The following POLR1A variants were observed in gnomAD, a reference collection of about 807,000 sequenced individuals.
POLR1A encodes the protein DNA-directed RNA polymerase I subunit RPA1.
Under a neutral mutation model 205.3 loss-of-function variants are expected in POLR1A, and 84 were observed. The observed-to-expected ratio is 0.41, with a 90% CI of 0.34 to 0.49. The LOEUF is 0.49. Among genes scored for constraint, POLR1A ranks in the 20% least tolerant of loss-of-function variants. The pLI is 0.22. For missense variants in POLR1A, 1,645 were observed against 2,204.5 expected (o/e 0.75, Z 5.08); for synonymous variants, 799 against 863.7 (o/e 0.93, Z 1.31).
In POLR1A at chr2:86,065,346, CG is replaced by C; in HGVS notation, c.1985del (p.Thr662ArgfsTer7). ...HYMELVYRGL[T>X]DKVGRVKLLS... ...GGAGCTTCACGCGCCCCACTTTGTC[CG>C]TGAGTCCTCGGTACACCAGCTCCAT... On this transcript the variant is annotated frameshift_variant, in exon 14 of 34. Transcript: ENST00000263857. LOFTEE classifies it high-confidence loss of function. 1.2e-6 allele frequency: 2 copies of C among 1,614,118 alleles called. No homozygotes were observed.
At chr2:86,071,516 T>TA (rs1462989410) in intron 12 of POLR1A, among the ~76,000 whole-genome samples, 1 of 152,126 alleles carries the variant, frequency 6.6e-6, no homozygotes, top group Non-Finnish European at 1.5e-5. Context: ...CTGTAAATTT[T>TA]AAAAAAGGTC....
Position 86,048,879 on chromosome 2 carries a change from C to T in POLR1A, c.2634+5G>A, listed in dbSNP as rs1396353438. 1.9e-6 allele frequency: 3 copies of T among 1,612,692 alleles called. No individual in the cohort carries two copies. Among genetic ancestry groups the T allele is most frequent in the East Asian group, 4.5e-5 (2 of 44,882 alleles). ...GGGGATAAATGCATGCAATGCTGGG[C>T]TAACCTTGTTAATCTCATTGCTGTA... On this transcript the variant is annotated splice_donor_5th_base_variant and intron_variant, in intron 18 of 33. Coordinates refer to ENST00000263857, the MANE Select transcript of POLR1A (RefSeq NM_015425.6).
chr2:86,084,762 G>A (rs1160208771), intron 6 of POLR1A, among the ~76,000 whole-genome samples: 2 of 150,208 alleles, frequency 1.3e-5, no homozygotes, highest in Non-Finnish European at 3.0e-5. Context: ...CGCCTCCCAG[G>A]TTCATGCGAT....
chr2:86,049,058 A>T lies in POLR1A; in HGVS notation c.2476-16T>A. The T allele has an allele frequency of 2.5e-6, 4 of 1,614,176 alleles. No individual in the cohort carries two copies. The highest frequency in any genetic ancestry group is 3.4e-6 in the Non-Finnish European group (4 of 1,179,998). Reference sequence around the variant, plus strand: ...CCCTGACAGCCTAGAATGAGAACAGAAACACAGCGGAGGCTGAGGCCAAAC... The same window carrying T: ...CCCTGACAGCCTAGAATGAGAACAGTAACACAGCGGAGGCTGAGGCCAAAC... On this transcript the variant is annotated splice_polypyrimidine_tract_variant and intron_variant, in intron 17 of 33. Transcript: ENST00000263857.
intron 24 of POLR1A, among the ~76,000 whole-genome samples, chr2:86,041,190 T>TGCGCGCGCGCACGCGCGC (rs201038475): frequency 4.8e-5 from 2 of 41,926 alleles, no homozygotes; most frequent in African/African-American, 1.4e-4. Context: ...TGTGTGTGTG[T>TGCGCGCGCGCACGCGCGC]GCGCGCTGAG....
chr2:86,082,167 CCT>C (rs1008530211), intron 7 of POLR1A, among the ~76,000 whole-genome samples: 53 of 151,966 alleles, frequency 3.5e-4, no homozygotes, highest in African/African-American at 1.3e-3. Context: ...AAAAATAGCC[CCT>C]GTGTACATGA....
rs1170343013 is a variant in POLR1A, at chr2:86,033,814, C to T, written c.4035-27G>A. On this transcript the variant is annotated intron_variant, in intron 27 of 33. Transcript: ENST00000263857. ...TAAAACAAGAAGAAAGCCAAAAAGC[C>T]CTGTGCAGTACCAGCATGTCCAGCC... 7 of 1,612,372 alleles carry T rather than the reference C, an allele frequency of 4.3e-6. No homozygotes were observed. In the East Asian group the frequency reaches 1.3e-4, roughly 31 times the overall value.
At chr2:86,079,978 G>A (rs1673368977) in intron 9 of POLR1A, among the ~76,000 whole-genome samples, 1 of 152,132 alleles carries the variant, frequency 6.6e-6, no homozygotes, top group East Asian at 1.9e-4. Context: ...ACACTAAGGA[G>A]TTTTTAAAAG....
rs1332066792 is a variant in POLR1A at position 86,020,959 on chromosome 2, A to AT, written c.*6463dup. 6.6e-6 allele frequency: 1 copy of AT among 152,234 alleles called. No homozygotes were observed. The highest frequency in any genetic ancestry group is 1.5e-5 in the Non-Finnish European group (1 of 68,040). The allele number at this position is 152,234 out of a possible 1,614,324, so 9.4% of individuals were successfully genotyped here. On this transcript the variant is annotated 3_prime_UTR_variant, in exon 34 of 34. Transcript: ENST00000263857. ...TTTACATAAAAGGAAACTGAAGTGC[A>AT]TTTCTTAGGGTCCCACTGTAAGTTG...
At position 86,065,402 on chromosome 2, in the gene POLR1A, G is replaced by A. The variant is rs767570306; in HGVS notation, c.1930C>T (p.Arg644Trp). 3.1e-6 allele frequency: 5 copies of A among 1,614,114 alleles called. No individual in the cohort carries two copies. The highest frequency in any genetic ancestry group is 1.1e-5 in the South Asian group (1 of 91,072). Reference sequence around the variant, plus strand: ...TGCTCCCGGGTGAAAAAGCAACCCCGAGTAGTCATGCTTGCCCCTGAAACC... The same window carrying A: ...TGCTCCCGGGTGAAAAAGCAACCCCAAGTAGTCATGCTTGCCCCTGAAACC... ...HMVSGASMTT[R>W]GCFFTREHYM... Residue 644 changes from arginine (R) to tryptophan (W), a missense_variant, in exon 14 of 34, where the codon CGG becomes TGG. Arg to Trp is a moderately radical substitution (Grantham distance 101). Transcript: ENST00000263857.
chr2:86,081,456 G>C (rs1423421197), intron 8 of POLR1A, 145 bp downstream of exon 8: 24 of 599,516 alleles, frequency 4.0e-5, no homozygotes, highest in Non-Finnish European at 6.8e-5. Context: ...GGGAAGGAAA[G>C]CAAGCCCTCC....
At chr2:86,038,643 C>T (rs1354287571) in intron 27 of POLR1A, 57 bp downstream of exon 27, 32 of 1,562,374 alleles carry the variant, frequency 2.0e-5, no homozygotes, top group Non-Finnish European at 2.8e-5. Context: ...CTTCCTGCCC[C>T]AGTTCAAGCG....
At chr2:86,065,583 T>G in intron 13 of POLR1A, 118 bp from the exon 14 acceptor site, 1 of 802,452 alleles carries the variant, frequency 1.2e-6, no homozygotes, top group Non-Finnish European at 2.0e-6. Flanking sequence ...TATCCCTGTC[T>G]TGTCTTGCCC....
chr2:86,042,041 G>A lies in POLR1A; in HGVS notation c.3420C>T (p.Ala1140=), dbSNP rs141026251. The A allele has an allele frequency of 1.1e-4, 178 of 1,613,796 alleles. No individual in the cohort carries two copies. In the African/African-American group the frequency reaches 2.1e-3, roughly 19 times the overall value. The change falls in exon 24 of 34, where the codon GCC becomes GCT. Residue 1140 remains alanine (A), a synonymous_variant. Coordinates refer to ENST00000263857, the MANE Select transcript of POLR1A (RefSeq NM_015425.6). The part of the protein sequence containing the change: ...ESRRKYQKKA[A]ACPDPSLSVW... Reference sequence around the variant, plus strand: ...CAGACAGACTGGGGTCAGGACAAGCGGCCGCCTTCTTCTGGTATTTCCTTC... The same window carrying A: ...CAGACAGACTGGGGTCAGGACAAGCAGCCGCCTTCTTCTGGTATTTCCTTC...
chr2:86,061,172 C>T (rs572696832), intron 14 of POLR1A, among the ~76,000 whole-genome samples: 5 of 151,204 alleles, frequency 3.3e-5, no homozygotes, highest in Admixed American at 6.6e-5. Flanking sequence ...AACAGCTGGG[C>T]GAGGTGGCTC....
chr2:86,096,754 C>T (rs1032377343), intron 3 of POLR1A, among the ~76,000 whole-genome samples: 2 of 152,110 alleles, frequency 1.3e-5, no homozygotes, highest in Non-Finnish European at 2.9e-5. Context: ...CTCCACTGCT[C>T]CCCTCTACAA....
At chr2:86,101,423 AC>A (rs1673820537) in intron 1 of POLR1A, among the ~76,000 whole-genome samples, 1 of 152,066 alleles carries the variant, frequency 6.6e-6, no homozygotes, top group Non-Finnish European at 1.5e-5. Context: ...GGCCAGTGTC[AC>A]TCTAAGGGCC....
At position 86,070,749 on chromosome 2, in the gene POLR1A, A is replaced by G. The variant is rs546574588; in HGVS notation, c.1612-477T>C. Among the ~76,000 whole-genome samples, 294 of 147,288 alleles carry G rather than the reference A, an allele frequency of 2.0e-3. No individual in the cohort carries two copies. Among genetic ancestry groups the G allele is most frequent in the African/African-American group, 7.1e-3 (283 of 40,092 alleles). ...ACATTATTCTAAACAGAAATTCTAC[A>G]TTTCACAAAAAGTTTGCCCAGCTTC... On this transcript the variant is annotated intron_variant, in intron 12 of 33. Transcript: ENST00000263857. The surrounding 1 kb of genome is among the most constrained non-coding windows in gnomAD (Gnocchi z 4.4).
In POLR1A at chr2:86,033,663, G is replaced by T. The variant is rs570647558; in HGVS notation, c.4159C>A (p.Arg1387=). 18 of 1,613,084 alleles carry T rather than the reference G, an allele frequency of 1.1e-5. No homozygotes were observed. Among genetic ancestry groups the T allele is most frequent in the Non-Finnish European group, 1.5e-5 (18 of 1,179,812 alleles). Residue 1387 remains arginine, a splice_region_variant and synonymous_variant, in exon 28 of 34, where the codon CGG becomes AGG. Transcript: ENST00000263857. ...GTGACCCCCGGGGACTCACTCACCC[G>T]ACTCCTCCCCAACTCCCCAGCGTTG... ...LDNAGELGRS[R]GEQEGDEEEE...
Sources: allele counts gnomAD v4.1 joint callset (sites outside exome capture counted in the v4.1 genomes callset), GRCh38; gene constraint gnomAD v4.1.1; non-coding constraint Gnocchi (gnomAD v3.1); transcripts MANE v1.5; gene names NCBI Gene and HGNC (gene_info 2026-07-23, HGNC 2026-07-21).